The following FREM1 variants were observed in gnomAD, a reference collection of about 807,000 sequenced individuals.
FREM1 encodes FRAS1 related extracellular matrix 1, also known as FRAS1-related extracellular matrix protein 1.
FREM1 carries 220 observed loss-of-function variants against 210.1 expected under a neutral mutation model. The observed-to-expected ratio is 1.05, with a 90% CI of 0.94 to 1.17. The LOEUF is 1.17. Ranked by LOEUF, FREM1 falls within the 50% of genes most tolerant of loss-of-function variation. The probability of loss-of-function intolerance (pLI) is 0.00; values close to 1 mark genes in which losing one functional copy is unlikely to be tolerated. For missense variants in FREM1, 3,454 were observed against 2,675.5 expected, an observed-to-expected ratio of 1.29 and a Z score of -6.42; for synonymous variants, 1,189 against 980.2, an observed-to-expected ratio of 1.21 and a Z score of -3.98.
rs375253247 is a variant in FREM1 at position 14,737,505 on chromosome 9, C to A, written c.6431G>T (p.Arg2144Leu). Residue 2144 changes from arginine to leucine, a missense_variant, in exon 37 of 37, where the codon CGC (arginine) becomes CTC (leucine). Coordinates refer to ENST00000380880, the MANE Select transcript of FREM1 (RefSeq NM_001379081.2). ...AACACAGCTCTTTCCAAGCTTGGAGCGTTGAGAGGGCCCTCTTCTCCCATT... is the reference window on the plus strand; with the variant it reads ...AACACAGCTCTTTCCAAGCTTGGAGAGTTGAGAGGGCCCTCTTCTCCCATT... ...FTNGRRGPSQ[R>L]SKLGKSCVLV... The A allele has an allele frequency of 1.2e-6, 2 of 1,613,272 alleles. No homozygotes were observed. Among genetic ancestry groups the A allele is most frequent in the East Asian group, 4.5e-5 (2 of 44,854 alleles).
rs190480810 is a variant in FREM1, at chr9:14,886,945, T to G, written c.-267-17701A>C. On this transcript the variant is annotated intron_variant, in intron 1 of 36. Transcript: ENST00000380880. ...GAAGCTATCAATTGACTTTTTATGA[T>G]GTATTTTTTTAAATCATCAAAATTT... 7.6e-3 allele frequency among the ~76,000 whole-genome samples: 1,154 copies of G among 150,998 alleles called. 13 individuals carry two copies. Among genetic ancestry groups the G allele is most frequent in the Non-Finnish European group, 0.012 (816 of 67,728 alleles).
chr9:14,900,039 C>A (rs1243303290), intron 1 of FREM1, among the ~76,000 whole-genome samples: 2 of 152,206 alleles, frequency 1.3e-5, no homozygotes, highest in Non-Finnish European at 2.9e-5. Flanking sequence ...GGAAAAAGCA[C>A]TGGCTGCAAA....
At chr9:14,842,122 G>A (rs1002556196) in intron 9 of FREM1, among the ~76,000 whole-genome samples, 194 bp downstream of exon 9, 3 of 152,154 alleles carry the variant, frequency 2.0e-5, no homozygotes, top group African/African-American at 7.2e-5. Flanking sequence ...ACCTTGGACA[G>A]ATCAAATTAA....
chr9:14,750,083 C>G, intron 30 of FREM1, 44 bp downstream of exon 30: 1 of 1,605,126 alleles, frequency 6.2e-7, no homozygotes, highest in Non-Finnish European at 8.5e-7. Context: ...AGAGCTACAG[C>G]GCCAGGACCG....
Position 14,801,757 on chromosome 9 carries a change from T to A in FREM1, c.3589A>T (p.Ile1197Phe). 5 of 1,613,892 alleles carry A rather than the reference T, an allele frequency of 3.1e-6. No individual in the cohort carries two copies. The African/African-American group carries it at 4.0e-5, about 13-fold the overall frequency. ...AAGTCTTTGCTAAACCCCCTATCGA[T>A]GAGGAGGCCATGGCGTGGCTTTTGA... Reference protein sequence around the residue: ...ITQKPRHGLLIDRGFSKDFSE... With the variant: ...ITQKPRHGLLFDRGFSKDFSE... The change falls in exon 20 of 37, where the codon ATC (isoleucine) becomes TTC (phenylalanine). Residue 1197 changes from isoleucine to phenylalanine, a missense_variant. Ile to Phe is a conservative substitution (Grantham distance 21, BLOSUM62 0). Transcript: ENST00000380880.
At chr9:14,744,479 G>T (rs1008018609) in intron 35 of FREM1, among the ~76,000 whole-genome samples, 1 of 151,820 alleles carries the variant, frequency 6.6e-6, no homozygotes, top group Non-Finnish European at 1.5e-5. Flanking sequence ...TTATATAAAT[G>T]CAATCATATA....
chr9:14,804,659 A>C (rs986002238), intron 19 of FREM1, among the ~76,000 whole-genome samples: 1 of 152,196 alleles, frequency 6.6e-6, no homozygotes, highest in Non-Finnish European at 1.5e-5. Flanking sequence ...GTATTATTTC[A>C]GAAGCCCCGA....
At chr9:14,860,750 C>CACATATATGCACATATATACACATATAT (rs1829848996) in intron 3 of FREM1, among the ~76,000 whole-genome samples, 1 of 108,068 alleles carries the variant, frequency 9.3e-6, no homozygotes, top group African/African-American at 4.3e-5. Context: ...CATATATATG[C>CACATATATGCACATATATACACATATAT]ACATATATAT....
At chr9:14,790,659 T>A (rs567945798) in intron 22 of FREM1, 1 of 152,164 alleles carries the variant, frequency 6.6e-6, no homozygotes, top group African/African-American at 2.4e-5. Context: ...AAAAGTCAGA[T>A]TCAAGATGGC....
intron 5 of FREM1, among the ~76,000 whole-genome samples, chr9:14,852,413 T>C (rs532551668): frequency 1.3e-5 from 2 of 152,154 alleles, no homozygotes; most frequent in African/African-American, 4.8e-5. Context: ...CAGGGTGAGG[T>C]GTGGTAGCTC....
At chr9:14,906,290 A>T (rs1401666752) in intron 1 of FREM1, among the ~76,000 whole-genome samples, 2 of 152,172 alleles carry the variant, frequency 1.3e-5, no homozygotes, top group Non-Finnish European at 2.9e-5. Context: ...TTCAAAGGCC[A>T]TTATTTTTTC....
intron 10 of FREM1, among the ~76,000 whole-genome samples, chr9:14,840,795 A>T (rs1025071913): frequency 6.6e-6 from 1 of 152,184 alleles, no homozygotes; most frequent in Non-Finnish European, 1.5e-5. Context: ...AGTTGTCCAG[A>T]CACTACCCTG....
intron 1 of FREM1, among the ~76,000 whole-genome samples, chr9:14,906,476 C>T (rs1817722787): frequency 6.6e-6 from 1 of 152,138 alleles, no homozygotes; most frequent in Non-Finnish European, 1.5e-5. Flanking sequence ...GCTCTGTTGT[C>T]TTTCTAAGGT....
chr9:14,749,706 T>A (rs1172041501), intron 30 of FREM1, among the ~76,000 whole-genome samples: 1 of 152,228 alleles, frequency 6.6e-6, no homozygotes, highest in Non-Finnish European at 1.5e-5. Context: ...ACATCTATTT[T>A]TCTCCAATTC....
Position 14,856,031 on chromosome 9 carries a change from G to A in FREM1, c.828+1522C>T, listed in dbSNP as rs77576707. Among the ~76,000 whole-genome samples, 1,255 of 152,226 alleles carry A rather than the reference G, an allele frequency of 8.2e-3. 18 individuals carry two copies. Among genetic ancestry groups the A allele is most frequent in the African/African-American group, 0.029 (1,188 of 41,530 alleles). ...CGGGGCCACCACTATAAAATAGGAA[G>A]CTTGAGCTAAACCCAGCCTGGTTTT... On this transcript the variant is annotated intron_variant, in intron 5 of 36. Coordinates refer to ENST00000380880, the MANE Select transcript of FREM1 (RefSeq NM_001379081.2).
chr9:14,805,376 C>T (rs1431652766), intron 18 of FREM1, among the ~76,000 whole-genome samples: 1 of 152,128 alleles, frequency 6.6e-6, no homozygotes, highest in Admixed American at 6.5e-5. Flanking sequence ...CATGGAGAAC[C>T]GAAGAGTAAT....
chr9:14,746,365 G>C lies in FREM1; in HGVS notation c.6242C>G (p.Ala2081Gly). Residue 2081 changes from alanine to glycine, a missense_variant, in exon 35 of 37, where the codon GCT (alanine) becomes GGT (glycine). Coordinates refer to ENST00000380880, the MANE Select transcript of FREM1 (RefSeq NM_001379081.2). ...QKGTWNAAAQ[A>G]CREQYLGNLV... ...TAGGGTGCCTTACTGTTCCCTGCAA[G>C]CTTGGGCAGCCGCATTCCAGGTGCC... 1 of 1,613,188 alleles carries C rather than the reference G, an allele frequency of 6.2e-7. No homozygotes were observed. The highest frequency in any genetic ancestry group is 8.5e-7 in the Non-Finnish European group (1 of 1,179,188).
Position 14,801,811 on chromosome 9 carries a change from G to A in FREM1, c.3535C>T (p.Pro1179Ser), listed in dbSNP as rs1381393162. 1.2e-6 allele frequency: 2 copies of A among 1,613,978 alleles called. No homozygotes were observed. Among genetic ancestry groups the A allele is most frequent in the South Asian group, 1.1e-5 (1 of 91,072 alleles). ...SIISAVDLDI[P>S]QDALLFSITQ... Reference sequence around the variant, plus strand: ...ATGCTGAACAGCAGGGCATCCTGGGGAATGTCCAGGTCCACAGCGCTGATG... The same window carrying A: ...ATGCTGAACAGCAGGGCATCCTGGGAAATGTCCAGGTCCACAGCGCTGATG... The change falls in exon 20 of 37, where the codon CCC (proline) becomes TCC (serine). Residue 1179 changes from proline to serine, a missense_variant. Coordinates refer to ENST00000380880, the MANE Select transcript of FREM1 (RefSeq NM_001379081.2).
chr9:14,765,747 T>A (rs1200138108), intron 27 of FREM1, among the ~76,000 whole-genome samples: 1 of 152,182 alleles, frequency 6.6e-6, no homozygotes, highest in Non-Finnish European at 1.5e-5. Flanking sequence ...ACAGTTAGAA[T>A]GTGAGTTGCC....
Sources: gnomAD v4.1 joint callset for allele counts (sites outside exome capture counted in the v4.1 genomes callset) on GRCh38, gnomAD v4.1.1 for gene constraint, MANE v1.5 for transcripts, NCBI Gene and HGNC (gene_info 2026-07-23, HGNC 2026-07-21) for gene names.